The following ASPM variants were observed in gnomAD, a reference collection of about 807,000 sequenced individuals.
ASPM encodes the protein assembly factor for spindle microtubules, also known as abnormal spindle-like microcephaly-associated protein.
Under a neutral mutation model 366.4 loss-of-function variants are expected in ASPM, and 256 were observed. The observed-to-expected ratio is 0.70, with a 90% CI of 0.63 to 0.77. The LOEUF is 0.77. ASPM is among the 30% of genes least tolerant of loss of function. ASPM has a pLI of 0.00. For synonymous variants in ASPM, 1,414 were observed against 1,342.9 expected, an observed-to-expected ratio of 1.05 and a Z score of -1.16; for missense variants, 4,146 against 4,090.4, an observed-to-expected ratio of 1.01 and a Z score of -0.37.
At chr1:197,092,497 T>C (rs564868219) in intron 21 of ASPM, among the ~76,000 whole-genome samples, 1 of 152,116 alleles carries the variant, frequency 6.6e-6, no homozygotes, top group Admixed American at 6.6e-5. Context: ...AGGAGCTTTC[T>C]ACAGTTGCTG....
chr1:197,106,974 T>C (rs1657430947), intron 17 of ASPM, among the ~76,000 whole-genome samples: 1 of 152,096 alleles, frequency 6.6e-6, no homozygotes, highest in African/African-American at 2.4e-5. Context: ...AACTATAACC[T>C]GTGCCATACT....
rs115744736 is a variant in ASPM, at chr1:197,097,790, G to C, written c.8821-1626C>G. Reference sequence around the variant, plus strand: ...CACTGCATCATAAAACCTTCAGGAGGAAAGGAGAATGTTTTGTGGACCATT... The same window carrying C: ...CACTGCATCATAAAACCTTCAGGAGCAAAGGAGAATGTTTTGTGGACCATT... On this transcript the variant is annotated intron_variant, in intron 18 of 27. Transcript: ENST00000367409. 5.9e-3 allele frequency among the ~76,000 whole-genome samples: 899 copies of C among 151,670 alleles called. 15 individuals carry two copies. Among genetic ancestry groups the C allele is most frequent in the African/African-American group, 0.021 (862 of 41,420 alleles).
At chr1:197,140,295 G>T (rs1276098786) in intron 3 of ASPM, among the ~76,000 whole-genome samples, 1 of 152,192 alleles carries the variant, frequency 6.6e-6, no homozygotes, top group Non-Finnish European at 1.5e-5. Context: ...TTAAAATTAG[G>T]CATGAGGAAT....
intron 12 of ASPM, 81 bp from the exon 13 acceptor site, chr1:197,124,412 C>G: frequency 9.7e-7 from 1 of 1,026,752 alleles, no homozygotes; most frequent in Non-Finnish European, 1.5e-6. Flanking sequence ...AAGTAACTGT[C>G]TTCTATTTAG....
At position 197,146,504 on chromosome 1, in the gene ASPM, C is replaced by A; in HGVS notation, c.-67G>T. The A allele has an allele frequency of 6.4e-7, 1 of 1,563,296 alleles. No homozygotes were observed. Among genetic ancestry groups the A allele is most frequent in the Non-Finnish European group, 8.7e-7 (1 of 1,152,736 alleles). The stretch of plus-strand genomic sequence containing the variant: ...CACGAGGCGGCTCCGGAGCGGGGAT[C>A]CGGGACTTACGCTGACCGCTTCCCC... On this transcript the variant is annotated 5_prime_UTR_variant, in exon 1 of 28. Coordinates refer to ENST00000367409, the MANE Select transcript of ASPM (RefSeq NM_018136.5).
rs1298332339 is a variant in ASPM at position 197,133,559 on chromosome 1, T to A, written c.2210A>T (p.Gln737Leu). 6.2e-7 allele frequency: 1 copy of A among 1,613,636 alleles called. No homozygotes were observed. Among genetic ancestry groups the A allele is most frequent in the South Asian group, 1.1e-5 (1 of 91,056 alleles). Residue 737 changes from glutamine to leucine, a missense_variant, in exon 6 of 28, where the codon CAA (glutamine) becomes CTA (leucine). Physicochemically the swap from Gln to Leu is moderately radical, Grantham distance 113. Transcript: ENST00000367409. ...TGCTCTAGGAACACTTATTTTATGTTGATTCTCTATTCCCAAAAGAAGAGT... is the reference window on the plus strand; with the variant it reads ...TGCTCTAGGAACACTTATTTTATGTAGATTCTCTATTCCCAAAAGAAGAGT... ...AATLLLGIEN[Q>L]HKISVPRAPT... is the part of the protein sequence containing the mutation.
Position 197,146,459 on chromosome 1 carries a change from G to A in ASPM, c.-22C>T, listed in dbSNP as rs753352813. 6.2e-7 allele frequency: 1 copy of A among 1,601,902 alleles called. No homozygotes were observed. The highest frequency in any genetic ancestry group is 8.5e-7 in the Non-Finnish European group (1 of 1,179,124). On this transcript the variant is annotated 5_prime_UTR_variant, in exon 1 of 28. Transcript: ENST00000367409. ...CCATGGCAGATTCGAGACCCCTCCT[G>A]GATCTCCTTGCCCCGCTCCCACGAG...
At chr1:197,133,216 A>G in intron 6 of ASPM, 134 bp downstream of exon 6, 1 of 861,832 alleles carries the variant, frequency 1.2e-6, no homozygotes, top group Non-Finnish European at 1.7e-6. Context: ...ACATATATCA[A>G]CATCATGTTG....
chr1:197,099,501 T>C (rs919152006), intron 18 of ASPM, among the ~76,000 whole-genome samples: 2 of 151,712 alleles, frequency 1.3e-5, no homozygotes, highest in Non-Finnish European at 3.0e-5. Flanking sequence ...AACTTAAATG[T>C]TACTCACTCT....
Position 197,128,481 on chromosome 1 carries a change from T to C in ASPM, c.2936+9A>G. 1 of 1,606,864 alleles carries C rather than the reference T, an allele frequency of 6.2e-7. No homozygotes were observed. Among genetic ancestry groups the C allele is most frequent in the Non-Finnish European group, 8.5e-7 (1 of 1,173,406 alleles). On this transcript the variant is annotated intron_variant, in intron 10 of 27. Coordinates refer to ENST00000367409, the MANE Select transcript of ASPM (RefSeq NM_018136.5). ...CATTAAGCAAAATAATTCTATTTCT[T>C]ATACGTACACAAGGCGCACTCCACA...
Position 197,122,321 on chromosome 1 carries a change from G to A in ASPM, c.3599-20C>T, listed in dbSNP as rs781375017. 18 of 1,613,558 alleles carry A rather than the reference G, an allele frequency of 1.1e-5. No individual in the cohort carries two copies. Among genetic ancestry groups the A allele is most frequent in the Non-Finnish European group, 1.4e-5 (17 of 1,179,736 alleles). ...TATTTTCTATTATGCAGGAGGAAAGGAGAAATTAGCCGTAGCTTCAAATCA... is the reference window on the plus strand; with the variant it reads ...TATTTTCTATTATGCAGGAGGAAAGAAGAAATTAGCCGTAGCTTCAAATCA... On this transcript the variant is annotated intron_variant, in intron 14 of 27. Coordinates refer to ENST00000367409, the MANE Select transcript of ASPM (RefSeq NM_018136.5).
At chr1:197,098,945 A>G (rs569640932) in intron 18 of ASPM, among the ~76,000 whole-genome samples, 1 of 151,634 alleles carries the variant, frequency 6.6e-6, no homozygotes, top group South Asian at 2.1e-4. Context: ...CAGATCTTAT[A>G]TACTCCAAAC....
rs1332663 is a variant in ASPM at position 197,139,912 on chromosome 1, C to T, written c.1922-41G>A. On this transcript the variant is annotated intron_variant, in intron 3 of 27. Transcript: ENST00000367409. ...AAACAAAACTAAGAGCATTAAAATA[C>T]AAATTCCCTAAATAGGTCAGTGATT... is the stretch of plus-strand genomic sequence containing the variant. 0.89 allele frequency: 1,242,309 copies of T among 1,403,488 alleles called. 557,578 individuals carry two copies. The highest frequency in any genetic ancestry group is 1 in the East Asian group (43,546 of 43,560). 86.9% of individuals were successfully genotyped at this position (1,403,488 alleles called of 1,614,324 possible). A position where few individuals can be genotyped will look rare whatever the true frequency, so the allele number is the denominator to read the frequency against.
rs760797427 is a variant in ASPM, at chr1:197,115,444, A to C, written c.4065+2345T>G. ...AATGTTGATATTTTGACCTCCTCCT[A>C]CGAATCATGAATGTTTTTGATGGCA... On this transcript the variant is annotated intron_variant, in intron 17 of 27. Coordinates refer to ENST00000367409, the MANE Select transcript of ASPM (RefSeq NM_018136.5). Among the ~76,000 whole-genome samples, 15 of 152,140 alleles carry C rather than the reference A, an allele frequency of 9.9e-5. 1 individual carries two copies. Among genetic ancestry groups the C allele is most frequent in the Non-Finnish European group, 2.1e-4 (14 of 68,024 alleles).
chr1:197,095,616 G>A (rs1656945604), intron 19 of ASPM, among the ~76,000 whole-genome samples: 1 of 151,674 alleles, frequency 6.6e-6, no homozygotes, highest in African/African-American at 2.4e-5. Flanking sequence ...AAAAGAATGA[G>A]TAAGAAAACA....
At chr1:197,111,417 A>C (rs868118097) in intron 17 of ASPM, among the ~76,000 whole-genome samples, 5 of 152,126 alleles carry the variant, frequency 3.3e-5, no homozygotes, top group African/African-American at 2.4e-5. Context: ...GTTTTTAAAA[A>C]GTCAAAAAAC....
Position 197,101,156 on chromosome 1 carries a change from A to G in ASPM, c.8095T>C (p.Tyr2699His). Residue 2699 changes from tyrosine (Y) to histidine (H), a missense_variant, in exon 18 of 28, where the codon TAT becomes CAT. Tyr to His is a moderately conservative substitution (Grantham distance 83). Coordinates refer to ENST00000367409, the MANE Select transcript of ASPM (RefSeq NM_018136.5). ...TCAACTTTGGCCCTGTGCATTCGAT[A>G]GAATGACTGAATTAGTGTGGCAGCC... ...HRAATLIQSF[Y>H]RMHRAKVDYE... 1 of 1,612,468 alleles carries G rather than the reference A, an allele frequency of 6.2e-7. No homozygotes were observed.
In ASPM at chr1:197,101,301, T is replaced by C. The variant is rs758042126; in HGVS notation, c.7950A>G (p.Thr2650=). ...IRKHYLHLRA[T]VVSIQRRYRK... Reference sequence around the variant, plus strand: ...TGTATCTTCTTTGAATAGAAACTACTGTTGCTCTAAGGTGGAGATAATGCT... The same window carrying C: ...TGTATCTTCTTTGAATAGAAACTACCGTTGCTCTAAGGTGGAGATAATGCT... The change falls in exon 18 of 28, where the codon ACA becomes ACG. Residue 2650 remains threonine, a synonymous_variant. Coordinates refer to ENST00000367409, the MANE Select transcript of ASPM (RefSeq NM_018136.5). 41 of 1,611,868 alleles carry C rather than the reference T, an allele frequency of 2.5e-5. No individual in the cohort carries two copies. The highest frequency in any genetic ancestry group is 3.3e-5 in the Non-Finnish European group (39 of 1,178,974).
In ASPM at chr1:197,128,480, T is replaced by C; in HGVS notation, c.2936+10A>G. On this transcript the variant is annotated intron_variant, in intron 10 of 27. Transcript: ENST00000367409. ...CCATTAAGCAAAATAATTCTATTTC[T>C]TATACGTACACAAGGCGCACTCCAC... is the stretch of plus-strand genomic sequence containing the variant. 1 of 1,606,330 alleles carries C rather than the reference T, an allele frequency of 6.2e-7. No homozygotes were observed. Among genetic ancestry groups the C allele is most frequent in the Non-Finnish European group, 8.5e-7 (1 of 1,172,916 alleles).
Sources: gnomAD v4.1 joint callset for allele counts (sites outside exome capture counted in the v4.1 genomes callset) on GRCh38, gnomAD v4.1.1 for gene constraint, MANE v1.5 for transcripts, NCBI Gene and HGNC (gene_info 2026-07-23, HGNC 2026-07-21) for gene names.